HTR4: variants seen among roughly 807,000 people sequenced by gnomAD.
HTR4 encodes 5-hydroxytryptamine (serotonin) receptor 4, G protein-coupled.
In HTR4, 16 loss-of-function variants were observed where a neutral mutation model predicts 36.8. The observed-to-expected ratio is 0.43, with a 90% confidence interval of 0.29 to 0.66. HTR4 has a LOEUF of 0.66. Ranked by LOEUF, HTR4 falls within the 30% of genes least tolerant of loss-of-function variation. HTR4 has a pLI of 0.13. For synonymous variants in HTR4, 189 were observed against 185.1 expected (o/e 1.02, Z -0.17); for missense variants, 438 against 490.9 (o/e 0.89, Z 1.02).
exon 6 of HTR4, chr5:148,451,053 C>G (rs113864253): frequency 1.3e-6 from 2 of 1,483,234 alleles, no homozygotes; most frequent in African/African-American, 1.4e-5. Flanking sequence ...CTCCATGTAC[C>G]TCCTCTGGGC....
At chr5:148,523,058 G>C in intron 5 of HTR4, 135 bp downstream of exon 5, 1 of 823,282 alleles carries the variant, frequency 1.2e-6, no homozygotes, top group South Asian at 1.9e-5. Context: ...AAAAGTGTTA[G>C]CTTTAAAAAA....
intron 2 of HTR4, among the ~76,000 whole-genome samples, chr5:148,568,743 G>A (rs1760556343): frequency 6.6e-6 from 1 of 152,144 alleles, no homozygotes; most frequent in Admixed American, 6.6e-5. Context: ...CTTTTTGGAT[G>A]CTAATTTGGC....
chr5:148,488,475 T>C (rs1379093582), intron 6 of HTR4, among the ~76,000 whole-genome samples: 1 of 152,234 alleles, frequency 6.6e-6, no homozygotes, highest in Non-Finnish European at 1.5e-5. Flanking sequence ...CTTCTCTATA[T>C]AGTTTTGCAT....
intron 2 of HTR4, among the ~76,000 whole-genome samples, chr5:148,598,979 G>A (rs943193480): frequency 6.6e-6 from 1 of 151,920 alleles, no homozygotes; most frequent in African/African-American, 2.4e-5. Flanking sequence ...TACAATTATT[G>A]AAATTAAGTA....
At chr5:148,597,412 C>T (rs907571612) in intron 2 of HTR4, among the ~76,000 whole-genome samples, 9 of 152,154 alleles carry the variant, frequency 5.9e-5, no homozygotes, top group Non-Finnish European at 8.8e-5. Context: ...CACCTTAGAA[C>T]CCAAGTTGAA....
chr5:148,502,402 C>T lies in HTR4; in HGVS notation c.1076+7054G>A, dbSNP rs555587343. Among the ~76,000 whole-genome samples the T allele has an allele frequency of 4.0e-4, 61 of 152,338 alleles. 1 individual carries two copies. The highest frequency in any genetic ancestry group is 3.1e-3 in the Admixed American group (48 of 15,302). ...AGGCTAACAGGTTCTGGAGTGTTAACTCCAGCAAACTCCAACAGACCAGCA... is the reference window on the plus strand; with the variant it reads ...AGGCTAACAGGTTCTGGAGTGTTAATTCCAGCAAACTCCAACAGACCAGCA... On this transcript the variant is annotated intron_variant, in intron 6 of 6. Transcript: ENST00000377888.
intron 2 of HTR4, among the ~76,000 whole-genome samples, chr5:148,611,835 C>A (rs1383137143): frequency 6.6e-6 from 1 of 150,974 alleles, no homozygotes; most frequent in Non-Finnish European, 1.5e-5. Context: ...GGAGGAAGAT[C>A]TACCAAGCAA....
At chr5:148,557,298 G>C (rs906294905) in intron 2 of HTR4, among the ~76,000 whole-genome samples, 9 of 152,032 alleles carry the variant, frequency 5.9e-5, no homozygotes, top group African/African-American at 2.2e-4. Flanking sequence ...GTTTTTTGGG[G>C]AGTAAAGAGA....
intron 5 of HTR4, among the ~76,000 whole-genome samples, chr5:148,456,681 TGA>T (rs1360213962): frequency 6.6e-6 from 1 of 152,186 alleles, no homozygotes; most frequent in Non-Finnish European, 1.5e-5. Context: ...TCAGAAAATG[TGA>T]GTTTCCTAGG....
downstream of HTR4, among the ~76,000 whole-genome samples, chr5:148,477,457 T>C (rs1177154939): frequency 6.6e-6 from 1 of 152,168 alleles, no homozygotes; most frequent in African/African-American, 2.4e-5. Context: ...CAAGGATTGT[T>C]CTTGCTGCTA....
rs1431659219 is a variant in HTR4 at position 148,481,621 on chromosome 5, G to A, written c.*1582C>T. On this transcript the variant is annotated 3_prime_UTR_variant, in exon 7 of 7. Transcript: ENST00000377888. ...CCAAAGTTTCTTCCTGTCGGTTTCA[G>A]TTCCAGAACTAAAGTAAACAACAAT... The A allele has an allele frequency of 1.2e-5, 18 of 1,507,272 alleles. No individual in the cohort carries two copies. In the Admixed American group the frequency reaches 4.2e-4, roughly 35 times the overall value. The allele number at this position is 1,507,272 out of a possible 1,614,324, so 93.4% of individuals were successfully genotyped here.
chr5:148,572,101 C>A (rs529776147), intron 2 of HTR4, among the ~76,000 whole-genome samples: 1 of 151,930 alleles, frequency 6.6e-6, no homozygotes, highest in Non-Finnish European at 1.5e-5. Context: ...TAATATGCAA[C>A]GTAATGTAAT....
intron 6 of HTR4, among the ~76,000 whole-genome samples, chr5:148,488,428 T>C (rs1466272378): frequency 6.6e-6 from 1 of 152,216 alleles, no homozygotes. Context: ...TTTTAATAAC[T>C]TTGTTTTACT....
chr5:148,486,692 C>A (rs568259318), intron 6 of HTR4, among the ~76,000 whole-genome samples: 1 of 152,314 alleles, frequency 6.6e-6, no homozygotes, highest in African/African-American at 2.4e-5. Context: ...TGCTTCAAAT[C>A]TGGCTTTTAA....
intron 2 of HTR4, among the ~76,000 whole-genome samples, chr5:148,634,999 T>G (rs1753477966): frequency 6.6e-6 from 1 of 152,164 alleles, no homozygotes; most frequent in South Asian, 2.1e-4. Context: ...GTCATTTGCA[T>G]AATACCCTTG....
chr5:148,560,196 C>CT (rs35663725), intron 2 of HTR4, among the ~76,000 whole-genome samples: 29 of 128,110 alleles, frequency 2.3e-4, no homozygotes, highest in East Asian at 1.6e-3. Flanking sequence ...TTACGGAAAG[C>CT]TTTTTTTTTA....
chr5:148,501,848 A>G (rs1170445350), intron 6 of HTR4, among the ~76,000 whole-genome samples: 7 of 152,242 alleles, frequency 4.6e-5, no homozygotes, highest in African/African-American at 1.7e-4. Context: ...TCACAGGGTC[A>G]GGAGATCGAG....
intron 5 of HTR4, among the ~76,000 whole-genome samples, chr5:148,458,067 TATTTA>T (rs1253655199): frequency 1.5e-5 from 2 of 136,988 alleles, no homozygotes; most frequent in Non-Finnish European, 3.1e-5. Context: ...TTTTAAGATC[TATTTA>T]ATAGATCTTA....
At chr5:148,520,901 G>A in intron 5 of HTR4, 1 of 1,367,740 alleles carries the variant, frequency 7.3e-7, no homozygotes, top group Non-Finnish European at 9.8e-7. Flanking sequence ...AGAATCCTAA[G>A]GAATACTTGT....
Sources: gnomAD v4.1 joint callset for allele counts (sites outside exome capture counted in the v4.1 genomes callset) on GRCh38, gnomAD v4.1.1 for gene constraint, MANE v1.5 for transcripts, NCBI Gene and HGNC (gene_info 2026-07-23, HGNC 2026-07-21) for gene names.